The following EEF1AKMT1 variants were observed in gnomAD, a reference collection of about 807,000 sequenced individuals.
EEF1AKMT1 encodes the protein N-6 adenine-specific DNA methyltransferase 2 (putative).
A neutral mutation model predicts 21.0 loss-of-function variants in EEF1AKMT1; 18 were observed. That is an observed-to-expected ratio of 0.86 (90% CI 0.59 to 1.27). EEF1AKMT1 has a LOEUF of 1.27. EEF1AKMT1 is among the 50% of genes most tolerant of loss of function. The probability of loss-of-function intolerance (pLI) is 0.00; values close to 1 mark genes in which losing one functional copy is unlikely to be tolerated. For missense variants in EEF1AKMT1, 246 were observed against 258.6 expected, an observed-to-expected ratio of 0.95 and a Z score of 0.33; for synonymous variants, 109 against 94.8, an observed-to-expected ratio of 1.15 and a Z score of -0.87.
chr13:20,761,290 C>T (rs1258879748), intron 1 of EEF1AKMT1, among the ~76,000 whole-genome samples: 4 of 152,122 alleles, frequency 2.6e-5, no homozygotes, highest in African/African-American at 9.7e-5. Context: ...ATTTGTTCTC[C>T]GTTTCAATAA....
intron 2 of EEF1AKMT1, among the ~76,000 whole-genome samples, chr13:20,750,699 G>A (rs1225181795): frequency 1.3e-5 from 2 of 152,130 alleles, no homozygotes; most frequent in African/African-American, 4.8e-5. Flanking sequence ...TTGAATAAAT[G>A]TTCAGTAGTG....
At chr13:20,740,070 G>T (rs2818985) in intron 2 of EEF1AKMT1, among the ~76,000 whole-genome samples, 36,083 of 152,260 alleles carry the variant, frequency 0.24, 5,818 homozygotes, top group East Asian at 0.75. Context: ...CCTGAGCCCT[G>T]CCCTGCGGGG....
chr13:20,746,785 A>G (rs2058907674), intron 2 of EEF1AKMT1, among the ~76,000 whole-genome samples: 1 of 152,238 alleles, frequency 6.6e-6, no homozygotes, highest in Admixed American at 6.5e-5. Context: ...AATGAAAAGG[A>G]ATAAGAATGA....
At chr13:20,766,202 G>A (rs2059030513) in intron 1 of EEF1AKMT1, among the ~76,000 whole-genome samples, 1 of 150,710 alleles carries the variant, frequency 6.6e-6, no homozygotes, top group Admixed American at 6.6e-5. Context: ...AGGAGGCTGA[G>A]GCAGGAGAAT....
intron 4 of EEF1AKMT1, among the ~76,000 whole-genome samples, chr13:20,729,781 C>T (rs2058781543): frequency 6.6e-6 from 1 of 152,182 alleles, no homozygotes; most frequent in Non-Finnish European, 1.5e-5. Context: ...ACAGCAAGCT[C>T]TCTCAACTTC....
At position 20,728,977 on chromosome 13, in the gene EEF1AKMT1, A is replaced by T. The variant is rs1192789899; in HGVS notation, c.*103T>A. The T allele has an allele frequency of 1.4e-6, 2 of 1,455,560 alleles. No individual in the cohort carries two copies. Among genetic ancestry groups the T allele is most frequent in the African/African-American group, 2.8e-5 (2 of 71,568 alleles). 90.2% of individuals were successfully genotyped at this position (1,455,560 alleles called of 1,614,324 possible). A position where few individuals can be genotyped will look rare whatever the true frequency, so the allele number is the denominator to read the frequency against. On this transcript the variant is annotated 3_prime_UTR_variant, in exon 5 of 5. Coordinates refer to ENST00000382758, the MANE Select transcript of EEF1AKMT1 (RefSeq NM_001318939.2). ...TGAAAACCAGGCCAGGGACAGCTCC[A>T]GTTTGGGGGGAGGGGAAGAGATTAT...
At chr13:20,772,242 T>G (rs1363233698) in intron 1 of EEF1AKMT1, among the ~76,000 whole-genome samples, 1 of 152,094 alleles carries the variant, frequency 6.6e-6, no homozygotes, top group Non-Finnish European at 1.5e-5. Flanking sequence ...AAAAAAATTT[T>G]TTTCTTTAGA....
intron 2 of EEF1AKMT1, among the ~76,000 whole-genome samples, chr13:20,753,688 TG>T (rs1346735595): frequency 3.3e-5 from 5 of 152,208 alleles, no homozygotes; most frequent in Non-Finnish European, 7.4e-5. Flanking sequence ...TTCTTTGTAC[TG>T]TTTTTTTACT....
rs376688042 is a variant in EEF1AKMT1, at chr13:20,749,843, GA to G, written c.144+7611del. On this transcript the variant is annotated intron_variant, in intron 2 of 4. Transcript: ENST00000382758. ...AGTGCAATGTAACTCATAGTCCGAAGACTTTGTAGGAGACCGTTTTTCTTCT... is the reference window on the plus strand; with the variant it reads ...AGTGCAATGTAACTCATAGTCCGAAGCTTTGTAGGAGACCGTTTTTCTTCT... Among the ~76,000 whole-genome samples, 134 of 152,306 alleles carry G rather than the reference GA, an allele frequency of 8.8e-4. 3 individuals carry two copies. In the South Asian group the frequency reaches 0.026, roughly 29 times the overall value.
At chr13:20,746,549 G>A (rs1487561587) in intron 2 of EEF1AKMT1, among the ~76,000 whole-genome samples, 1 of 152,168 alleles carries the variant, frequency 6.6e-6, no homozygotes, top group Non-Finnish European at 1.5e-5. Context: ...GAGAATGGAA[G>A]GGCTTTGAGT....
Position 20,748,715 on chromosome 13 carries a change from G to GGTTTTT in EEF1AKMT1, c.144+8739_144+8740insAAAAAC, listed in dbSNP as rs1555326495. Among the ~76,000 whole-genome samples the GGTTTTT allele has an allele frequency of 2.8e-4, 30 of 105,838 alleles. 3 individuals carry two copies. The highest frequency in any genetic ancestry group is 8.8e-4 in the African/African-American group (24 of 27,180). The allele number at this position is 105,838 out of a possible 152,430, so 69.4% of individuals were successfully genotyped here. A position where few individuals can be genotyped will look rare whatever the true frequency, so the allele number is the denominator to read the frequency against. On this transcript the variant is annotated intron_variant, in intron 2 of 4. Coordinates refer to ENST00000382758, the MANE Select transcript of EEF1AKMT1 (RefSeq NM_001318939.2). ...TTCTTCACCCTCCTAATGTATAGTT[G>GGTTTTT]TTTTTTTTTGGTTTTTTTTTTTTTT...
chr13:20,742,063 T>C (rs1238211069), intron 2 of EEF1AKMT1, among the ~76,000 whole-genome samples: 2 of 152,192 alleles, frequency 1.3e-5, no homozygotes, highest in African/African-American at 4.8e-5. Flanking sequence ...CATGTGCATA[T>C]AAAAATCTCT....
chr13:20,773,161 C>T (rs569634768), intron 1 of EEF1AKMT1, among the ~76,000 whole-genome samples: 2 of 152,176 alleles, frequency 1.3e-5, no homozygotes, highest in South Asian at 4.1e-4. Context: ...TCTATTTATC[C>T]TGTTTTTAAA....
At chr13:20,742,574 T>C (rs2058877887) in intron 2 of EEF1AKMT1, among the ~76,000 whole-genome samples, 1 of 152,226 alleles carries the variant, frequency 6.6e-6, no homozygotes. Context: ...TGAATGTCTC[T>C]TTCCCAGGTA....
At chr13:20,751,111 A>G (rs773504250) in intron 2 of EEF1AKMT1, among the ~76,000 whole-genome samples, 9 of 152,116 alleles carry the variant, frequency 5.9e-5, no homozygotes, top group Non-Finnish European at 1.0e-4. Flanking sequence ...CAAATATTTT[A>G]CACATCTCAA....
At chr13:20,741,667 A>G (rs1224357876) in intron 2 of EEF1AKMT1, among the ~76,000 whole-genome samples, 7 of 151,840 alleles carry the variant, frequency 4.6e-5, no homozygotes, top group Non-Finnish European at 1.0e-4. Flanking sequence ...ATGTTGGCCA[A>G]GATGGTCTCA....
chr13:20,757,258 T>A (rs2058976422), intron 2 of EEF1AKMT1, 197 bp downstream of exon 2: 1 of 453,102 alleles, frequency 2.2e-6, no homozygotes, highest in African/African-American at 2.0e-5. Flanking sequence ...CAAGAACAGC[T>A]GTTCAAGAAA....
intron 2 of EEF1AKMT1, among the ~76,000 whole-genome samples, chr13:20,752,136 A>G (rs897629588): frequency 6.6e-6 from 1 of 151,910 alleles, no homozygotes; most frequent in East Asian, 1.9e-4. Context: ...GATGCTTTTT[A>G]TTTCTTTTTG....
intron 2 of EEF1AKMT1, among the ~76,000 whole-genome samples, chr13:20,743,097 C>T (rs1205161833): frequency 6.6e-6 from 1 of 152,116 alleles, no homozygotes; most frequent in Non-Finnish European, 1.5e-5. Flanking sequence ...GACAGAGTCT[C>T]ACTCTGTTGC....
Sources: allele counts gnomAD v4.1 joint callset (sites outside exome capture counted in the v4.1 genomes callset), GRCh38; gene constraint gnomAD v4.1.1; transcripts MANE v1.5; gene names NCBI Gene and HGNC (gene_info 2026-07-23, HGNC 2026-07-21).